Variants in KCNK2 observed in about 807,000 individuals in gnomAD.
KCNK2 encodes potassium two pore domain channel subfamily K member 2, also known as potassium channel subfamily K member 2.
In KCNK2, 21 loss-of-function variants were observed where a neutral mutation model predicts 40.5. The observed-to-expected ratio is 0.52, with a 90% confidence interval of 0.37 to 0.75. The LOEUF is 0.75. Ranked by LOEUF, KCNK2 falls within the 30% of genes least tolerant of loss-of-function variation. KCNK2 has a pLI of 0.00. For missense variants in KCNK2, 399 were observed against 531.6 expected (o/e 0.75, Z 2.45); for synonymous variants, 191 against 202.2 (o/e 0.94, Z 0.47).
intron 6 of KCNK2, among the ~76,000 whole-genome samples, chr1:215,230,140 T>G (rs1666573857): frequency 7.0e-6 from 1 of 143,670 alleles, no homozygotes; most frequent in Non-Finnish European, 1.5e-5. Flanking sequence ...CGGTCATGCA[T>G]TGCTTAAAGA....
chr1:215,012,351 C>T (rs1235262288), intron 1 of KCNK2, among the ~76,000 whole-genome samples: 5 of 152,136 alleles, frequency 3.3e-5, no homozygotes, highest in South Asian at 2.1e-4. Flanking sequence ...ATTTCTTACC[C>T]GTTCTAATAG....
intron 1 of KCNK2, among the ~76,000 whole-genome samples, chr1:215,030,949 A>G (rs1657167640): frequency 6.6e-6 from 1 of 151,936 alleles, no homozygotes; most frequent in Admixed American, 6.6e-5. Flanking sequence ...ATCTCGATTC[A>G]TTTTTTTACA....
intron 5 of KCNK2, among the ~76,000 whole-genome samples, chr1:215,178,813 T>C (rs2102646408): frequency 6.6e-6 from 1 of 152,250 alleles, no homozygotes; most frequent in East Asian, 1.9e-4. Context: ...TTTTTCTTGT[T>C]ATTGTGTCTT....
intron 2 of KCNK2, among the ~76,000 whole-genome samples, chr1:215,101,744 A>T (rs565395973): frequency 6.6e-6 from 1 of 152,184 alleles, no homozygotes; most frequent in East Asian, 1.9e-4. Context: ...AATGGAGCTA[A>T]GAGTTCATAT....
chr1:215,036,880 A>C (rs539692200), intron 1 of KCNK2, among the ~76,000 whole-genome samples: 1 of 151,928 alleles, frequency 6.6e-6, no homozygotes, highest in South Asian at 2.1e-4. Flanking sequence ...TGTATCCTGC[A>C]ACCTTGATAA....
intron 6 of KCNK2, among the ~76,000 whole-genome samples, chr1:215,226,445 C>A (rs181194232): frequency 6.6e-6 from 1 of 152,292 alleles, no homozygotes; most frequent in African/African-American, 2.4e-5. Flanking sequence ...CTTGCCTCAG[C>A]CTCCTGGGTA....
intron 6 of KCNK2, among the ~76,000 whole-genome samples, chr1:215,233,215 C>A (rs1326676348): frequency 1.3e-5 from 2 of 152,074 alleles, no homozygotes; most frequent in East Asian, 3.8e-4. Context: ...ATTCTACATG[C>A]CATAGAGTTC....
chr1:215,108,153 G>A (rs985797490), intron 2 of KCNK2, among the ~76,000 whole-genome samples: 1 of 152,146 alleles, frequency 6.6e-6, no homozygotes, highest in Admixed American at 6.6e-5. Context: ...TGATCTGACA[G>A]GAGGCAGAGC....
intron 2 of KCNK2, among the ~76,000 whole-genome samples, chr1:215,107,719 T>A (rs1342681645): frequency 1.3e-5 from 2 of 152,130 alleles, no homozygotes; most frequent in East Asian, 3.9e-4. Context: ...GAGTCATGTG[T>A]GTTCTATGTA....
intron 2 of KCNK2, among the ~76,000 whole-genome samples, chr1:215,105,474 C>T (rs1660396789): frequency 6.6e-6 from 1 of 152,092 alleles, no homozygotes; most frequent in Non-Finnish European, 1.5e-5. Context: ...CTTCATTCAT[C>T]CATCGATGGA....
At chr1:215,053,432 T>G (rs1363585951) in intron 1 of KCNK2, among the ~76,000 whole-genome samples, 1 of 152,056 alleles carries the variant, frequency 6.6e-6, no homozygotes, top group African/African-American at 2.4e-5. Flanking sequence ...GACTAAGCAG[T>G]AAATGAACAA....
At chr1:215,234,688 A>T in intron 6 of KCNK2, 140 bp from the exon 7 acceptor site, 1 of 741,034 alleles carries the variant, frequency 1.3e-6, no homozygotes, top group Non-Finnish European at 2.2e-6. Context: ...AATTTCATCA[A>T]TTCTCAGACC....
At chr1:215,054,991 T>G (rs1658108872) in intron 1 of KCNK2, among the ~76,000 whole-genome samples, 1 of 152,218 alleles carries the variant, frequency 6.6e-6, no homozygotes, top group South Asian at 2.1e-4. Flanking sequence ...ATAATGAACA[T>G]AGAATTAAAA....
chr1:215,117,723 G>A (rs185765754), intron 2 of KCNK2, among the ~76,000 whole-genome samples: 3 of 152,072 alleles, frequency 2.0e-5, no homozygotes, highest in Non-Finnish European at 4.4e-5. Flanking sequence ...TCAAGAAGTT[G>A]TTTGCTTCCT....
At chr1:215,102,205 A>G (rs1054241243) in intron 2 of KCNK2, among the ~76,000 whole-genome samples, 1 of 152,018 alleles carries the variant, frequency 6.6e-6, no homozygotes, top group Non-Finnish European at 1.5e-5. Context: ...AGCATCATGC[A>G]TGTCATTATT....
intron 1 of KCNK2, among the ~76,000 whole-genome samples, chr1:215,015,103 G>T (rs1033027681): frequency 2.0e-5 from 3 of 152,076 alleles, no homozygotes; most frequent in Non-Finnish European, 4.4e-5. Context: ...TTGTGAGCTG[G>T]CTGACATTAG....
At chr1:215,007,037 A>ATATGTGTGTGTGTGTGTGTG (rs1330420661) in intron 1 of KCNK2, among the ~76,000 whole-genome samples, 5 of 51,594 alleles carry the variant, frequency 9.7e-5, no homozygotes, top group South Asian at 5.7e-4. Flanking sequence ...ATATATATAT[A>ATATGTGTGTGTGTGTGTGTG]TGTGTGTGTG....
At chr1:215,063,971 T>C (rs1283662226) in intron 1 of KCNK2, among the ~76,000 whole-genome samples, 19 of 152,184 alleles carry the variant, frequency 1.2e-4, no homozygotes, top group Admixed American at 1.2e-3. Context: ...ACGGAGCATG[T>C]CTGGGAAGAT....
At chr1:215,213,346 C>T (rs1439673821) in intron 6 of KCNK2, among the ~76,000 whole-genome samples, 6 of 152,272 alleles carry the variant, frequency 3.9e-5, no homozygotes, top group East Asian at 1.9e-4. Context: ...CAGTGGCTCA[C>T]GCCTGTAATT....
Sources: allele counts gnomAD v4.1 joint callset (sites outside exome capture counted in the v4.1 genomes callset), GRCh38; gene constraint gnomAD v4.1.1; transcripts MANE v1.5; gene names NCBI Gene and HGNC (gene_info 2026-07-23, HGNC 2026-07-21).